The following ATXN8OS variants were observed in gnomAD, a reference collection of about 807,000 sequenced individuals.
ATXN8OS encodes ATXN8 opposite strand (non-protein coding).
intron 4 of ATXN8OS, among the ~76,000 whole-genome samples, chr13:70,157,013 C>A (rs1393351496): frequency 6.6e-6 from 1 of 151,940 alleles, no homozygotes; most frequent in African/African-American, 2.4e-5. Flanking sequence ...AAATAACATA[C>A]CGTAGATATA....
intron 4 of ATXN8OS, among the ~76,000 whole-genome samples, chr13:70,155,421 C>T (rs550741514): frequency 6.6e-6 from 1 of 152,270 alleles, no homozygotes; most frequent in African/African-American, 2.4e-5. Flanking sequence ...CATAGAAACA[C>T]ACCATCCTTG....
chr13:70,144,534 G>A (rs1484906464), intron 3 of ATXN8OS, among the ~76,000 whole-genome samples: 1 of 152,076 alleles, frequency 6.6e-6, no homozygotes, highest in East Asian at 1.9e-4. Flanking sequence ...TTTTCAGTAT[G>A]TATGCAAATG....
At chr13:70,149,380 G>A (rs1333836181) in intron 4 of ATXN8OS, among the ~76,000 whole-genome samples, 1 of 152,012 alleles carries the variant, frequency 6.6e-6, no homozygotes, top group East Asian at 1.9e-4. Context: ...ATTAAATTAT[G>A]TATATATTTT....
At chr13:70,155,159 G>C (rs919974178) in intron 4 of ATXN8OS, among the ~76,000 whole-genome samples, 5 of 152,172 alleles carry the variant, frequency 3.3e-5, no homozygotes, top group Non-Finnish European at 5.9e-5. Flanking sequence ...TCCTGCAACA[G>C]TACCTTCTCA....
intron 3 of ATXN8OS, among the ~76,000 whole-genome samples, chr13:70,135,915 T>G (rs541110179): frequency 1.2e-4 from 18 of 152,260 alleles, no homozygotes; most frequent in Non-Finnish European, 2.5e-4. Flanking sequence ...TAAGAAAACT[T>G]TTACACAAAT....
chr13:70,166,960 A>T (rs761989221), intron 4 of ATXN8OS, among the ~76,000 whole-genome samples: 2,992 of 151,684 alleles, frequency 0.02, 64 homozygotes, highest in Non-Finnish European at 0.031. Context: ...TCAAAACCAC[A>T]ATGAGATACC....
chr13:70,155,586 A>C (rs986633657), intron 4 of ATXN8OS, among the ~76,000 whole-genome samples: 1 of 152,166 alleles, frequency 6.6e-6, no homozygotes, highest in African/African-American at 2.4e-5. Flanking sequence ...AGGGAGAAAC[A>C]CCTTTCTCCA....
Position 70,160,834 on chromosome 13 carries a change from TATATAA to T in ATXN8OS, n.574-8913_574-8908del, listed in dbSNP as rs1237630285. ...AAATATATATAAATATATATTTATA[TATATAA>T]ATATATTTATATTTTATGTCTCTTT... On this transcript the variant is annotated intron_variant and non_coding_transcript_variant, in intron 4 of 4. Coordinates refer to ENST00000678624, the Ensembl canonical transcript of ATXN8OS. 6.4e-5 allele frequency among the ~76,000 whole-genome samples: 9 copies of T among 140,658 alleles called. 1 individual carries two copies. The East Asian group carries it at 1.2e-3, about 19-fold the overall frequency. The allele number at this position is 140,658 out of a possible 152,430, so 92.3% of individuals were successfully genotyped here. A position where few individuals can be genotyped will look rare whatever the true frequency, so the allele number is the denominator to read the frequency against.
At chr13:70,124,508 T>A (rs1888401472) in intron 2 of ATXN8OS, among the ~76,000 whole-genome samples, 1 of 152,040 alleles carries the variant, frequency 6.6e-6, no homozygotes, top group Admixed American at 6.6e-5. Flanking sequence ...AGTTTAGCAG[T>A]TACCAACAGG....
chr13:70,165,377 G>T (rs757125115), intron 4 of ATXN8OS, among the ~76,000 whole-genome samples: 1 of 151,784 alleles, frequency 6.6e-6, no homozygotes, highest in Non-Finnish European at 1.5e-5. Flanking sequence ...GGTTATTCCT[G>T]CATAGTTGTA....
chr13:70,143,027 C>G (rs558204398), intron 3 of ATXN8OS, among the ~76,000 whole-genome samples: 1 of 150,990 alleles, frequency 6.6e-6, no homozygotes, highest in Non-Finnish European at 1.5e-5. Context: ...GAGCCGAGAT[C>G]GCGCCATTGC....
chr13:70,121,494 C>T (rs1288676720), intron 2 of ATXN8OS, among the ~76,000 whole-genome samples: 1 of 151,870 alleles, frequency 6.6e-6, no homozygotes, highest in Non-Finnish European at 1.5e-5. Flanking sequence ...AAGTAAGAGT[C>T]AAAAGAAAGA....
At chr13:70,141,894 T>C (rs1056003665) in intron 3 of ATXN8OS, among the ~76,000 whole-genome samples, 2 of 152,062 alleles carry the variant, frequency 1.3e-5, no homozygotes, top group African/African-American at 4.8e-5. Flanking sequence ...TTTTTTGTTA[T>C]TGTTGAAACA....
At chr13:70,133,661 G>A (rs999471720) in intron 3 of ATXN8OS, among the ~76,000 whole-genome samples, 6 of 152,082 alleles carry the variant, frequency 3.9e-5, no homozygotes, top group African/African-American at 1.4e-4. Flanking sequence ...ACAGAAAAAA[G>A]GCTTGAAAAA....
chr13:70,139,569 A>T, intron 3 of ATXN8OS: 1 of 488,536 alleles, frequency 2.0e-6, no homozygotes, highest in Admixed American at 3.1e-5. Flanking sequence ...CCTTCCAAAA[A>T]TTATCTGATG....
chr13:70,150,734 A>G (rs948645553), intron 4 of ATXN8OS, among the ~76,000 whole-genome samples: 4 of 152,120 alleles, frequency 2.6e-5, no homozygotes, highest in Non-Finnish European at 5.9e-5. Context: ...TTGAGCTCAC[A>G]CATTGATGGA....
chr13:70,163,701 C>T (rs1007476558), intron 4 of ATXN8OS, among the ~76,000 whole-genome samples: 2 of 151,754 alleles, frequency 1.3e-5, no homozygotes, highest in Admixed American at 6.6e-5. Flanking sequence ...AGATTTGAGG[C>T]TATTTTTTAC....
intron 2 of ATXN8OS, among the ~76,000 whole-genome samples, chr13:70,117,033 C>T (rs1313396215): frequency 6.6e-6 from 1 of 152,062 alleles, no homozygotes; most frequent in Non-Finnish European, 1.5e-5. Flanking sequence ...TATATTCCTA[C>T]AAGATAAAGT....
At chr13:70,169,410 C>A (rs1175133711) in intron 4 of ATXN8OS, among the ~76,000 whole-genome samples, 2 of 152,022 alleles carry the variant, frequency 1.3e-5, no homozygotes, top group Non-Finnish European at 2.9e-5. Flanking sequence ...AATTCTCCTG[C>A]CTCAGCCTCC....
Sources: allele counts gnomAD v4.1 joint callset (sites outside exome capture counted in the v4.1 genomes callset), GRCh38; gene constraint gnomAD v4.1.1; transcripts MANE v1.5; gene names NCBI Gene and HGNC (gene_info 2026-07-23, HGNC 2026-07-21).